The following MACROD2 variants were observed in gnomAD, a reference collection of about 807,000 sequenced individuals.
The protein encoded by MACROD2 is mono-ADP ribosylhydrolase 2.
In MACROD2, 36 loss-of-function variants were observed where a neutral mutation model predicts 70.4. The observed-to-expected ratio is 0.51, with a 90% CI of 0.39 to 0.68. The LOEUF is 0.68. MACROD2 is among the 30% of genes least tolerant of loss of function. The probability of loss-of-function intolerance (pLI) is 0.00; values close to 1 mark genes in which losing one functional copy is unlikely to be tolerated. For synonymous variants in MACROD2, 172 were observed against 178.8 expected, an observed-to-expected ratio of 0.96 and a Z score of 0.30; for missense variants, 496 against 538.4, an observed-to-expected ratio of 0.92 and a Z score of 0.78.
At chr20:15,119,891 G>C (rs1161091325) in intron 5 of MACROD2, among the ~76,000 whole-genome samples, 1 of 152,232 alleles carries the variant, frequency 6.6e-6, no homozygotes, top group Non-Finnish European at 1.5e-5. Context: ...CACAGAAGGT[G>C]ACCATTGCTG....
intron 3 of MACROD2, among the ~76,000 whole-genome samples, chr20:14,175,116 A>G (rs1022951429): frequency 2.0e-5 from 3 of 152,120 alleles, no homozygotes; most frequent in Admixed American, 6.6e-5. Context: ...TGTTCCTGCC[A>G]TAGTTCTTGG....
At chr20:15,963,514 T>G (rs919459014) in intron 12 of MACROD2, among the ~76,000 whole-genome samples, 1 of 152,180 alleles carries the variant, frequency 6.6e-6, no homozygotes, top group African/African-American at 2.4e-5. Flanking sequence ...ATTTAACACA[T>G]CTCTATATTT....
chr20:14,630,824 A>AGAT (rs1418192923), intron 4 of MACROD2, among the ~76,000 whole-genome samples: 1 of 152,214 alleles, frequency 6.6e-6, no homozygotes, highest in East Asian at 1.9e-4. Flanking sequence ...CCTTTCAAGG[A>AGAT]GATGATCTAC....
At chr20:14,396,637 C>T (rs1324475113) in intron 3 of MACROD2, among the ~76,000 whole-genome samples, 2 of 151,910 alleles carry the variant, frequency 1.3e-5, no homozygotes, top group Non-Finnish European at 2.9e-5. Context: ...TTTTAAAATC[C>T]AATCTGGGCT....
chr20:14,104,113 A>G (rs3936951), intron 3 of MACROD2, among the ~76,000 whole-genome samples: 151,348 of 152,312 alleles, frequency 0.99, 75,203 homozygotes, highest in East Asian at 1. Flanking sequence ...AAGGTGTAAG[A>G]GTATATATTT....
chr20:15,031,248 T>C (rs1007380203), intron 5 of MACROD2, among the ~76,000 whole-genome samples: 2 of 152,198 alleles, frequency 1.3e-5, no homozygotes, highest in African/African-American at 4.8e-5. Context: ...AAAGAGGGTG[T>C]TACAGCCCTA....
rs995902740 is a variant in MACROD2 at position 13,995,689 on chromosome 20, C to T, written c.-75C>T. The T allele has an allele frequency of 1.4e-5, 15 of 1,055,436 alleles. No homozygotes were observed. Among genetic ancestry groups the T allele is most frequent in the African/African-American group, 3.1e-5 (2 of 63,574 alleles). The allele number at this position is 1,055,436 out of a possible 1,614,324, so 65.4% of individuals were successfully genotyped here. On this transcript the variant is annotated 5_prime_UTR_variant, in exon 1 of 18. Transcript: ENST00000684519. This position sits in a 1 kb window ranked among gnomAD's most constrained non-coding sequence, Gnocchi z 4.3. ...CTGCTGAGTGCCCCCTCCCACCCCT[C>T]CCACTCCACACACACCCTGTTTGCC...
chr20:14,822,171 A>T (rs930729466), intron 5 of MACROD2, among the ~76,000 whole-genome samples: 2 of 152,086 alleles, frequency 1.3e-5, no homozygotes, highest in Non-Finnish European at 2.9e-5. Flanking sequence ...GTAAAACTTG[A>T]TGGACCTTAG....
chr20:15,723,746 A>G (rs937055159), intron 8 of MACROD2, among the ~76,000 whole-genome samples: 3 of 152,202 alleles, frequency 2.0e-5, no homozygotes, highest in African/African-American at 7.2e-5. Context: ...AAACTGCTAT[A>G]AACCTCTTTG....
chr20:15,102,196 C>T (rs1261760117), intron 5 of MACROD2, among the ~76,000 whole-genome samples: 1 of 151,844 alleles, frequency 6.6e-6, no homozygotes, highest in South Asian at 2.1e-4. Context: ...ATCCTAACAG[C>T]TCACAAATAA....
At chr20:14,243,927 G>T (rs552499160) in intron 3 of MACROD2, among the ~76,000 whole-genome samples, 49 of 152,180 alleles carry the variant, frequency 3.2e-4, no homozygotes, top group African/African-American at 1.1e-3. Context: ...TGCTAGACAG[G>T]GCCAGGGCAA....
intron 4 of MACROD2, among the ~76,000 whole-genome samples, chr20:14,658,787 G>A (rs1028621147): frequency 1.3e-5 from 2 of 152,074 alleles, no homozygotes; most frequent in African/African-American, 4.8e-5. Context: ...CAAGTTTTTT[G>A]TATTTTAGTA....
intron 13 of MACROD2, among the ~76,000 whole-genome samples, chr20:15,976,798 G>A (rs1601252732): frequency 1.3e-5 from 2 of 152,130 alleles, no homozygotes; most frequent in South Asian, 2.1e-4. Context: ...AAGCACACAG[G>A]TGAAACAGAT....
At chr20:15,179,318 A>T (rs904978011) in intron 5 of MACROD2, among the ~76,000 whole-genome samples, 5 of 152,174 alleles carry the variant, frequency 3.3e-5, no homozygotes, top group African/African-American at 1.2e-4. Flanking sequence ...CTACCTGTGC[A>T]GAGACAAGCC....
intron 5 of MACROD2, among the ~76,000 whole-genome samples, chr20:14,798,249 A>G (rs2072533878): frequency 6.6e-6 from 1 of 152,084 alleles, no homozygotes; most frequent in Non-Finnish European, 1.5e-5. Context: ...TCAATTGGAA[A>G]CAGTGCTTAA....
intron 5 of MACROD2, among the ~76,000 whole-genome samples, chr20:15,155,646 T>C (rs1190417040): frequency 1.3e-5 from 2 of 152,162 alleles, no homozygotes; most frequent in Non-Finnish European, 2.9e-5. Flanking sequence ...CTCTCTTTCT[T>C]CATTAGAACA....
At chr20:14,198,312 A>G (rs1220624109) in intron 3 of MACROD2, among the ~76,000 whole-genome samples, 1 of 152,218 alleles carries the variant, frequency 6.6e-6, no homozygotes, top group Non-Finnish European at 1.5e-5. Flanking sequence ...TACACATTTT[A>G]TAGGAGTAAA....
intron 5 of MACROD2, among the ~76,000 whole-genome samples, chr20:14,805,032 A>G (rs554714191): frequency 1.3e-5 from 2 of 152,116 alleles, no homozygotes; most frequent in South Asian, 2.1e-4. Flanking sequence ...TGAAGTCTTT[A>G]TGTGAGCTTC....
intron 3 of MACROD2, among the ~76,000 whole-genome samples, chr20:14,194,742 C>A (rs2081416186): frequency 6.6e-6 from 1 of 152,146 alleles, no homozygotes; most frequent in Admixed American, 6.5e-5. Context: ...CAAAGCAGAA[C>A]AAGGGTGGGA....
Sources: gnomAD v4.1 joint callset for allele counts (sites outside exome capture counted in the v4.1 genomes callset) on GRCh38, gnomAD v4.1.1 for gene constraint, Gnocchi (gnomAD v3.1) non-coding constraint, MANE v1.5 for transcripts, NCBI Gene and HGNC (gene_info 2026-07-23, HGNC 2026-07-21) for gene names.